MGAM: variants seen among roughly 807,000 people sequenced by gnomAD.
MGAM encodes alpha-1,4-glucosidase.
A neutral mutation model predicts 358.8 loss-of-function variants in MGAM; 253 were observed. The observed-to-expected ratio is 0.71, with a 90% CI of 0.64 to 0.78. The LOEUF is 0.78. Ranked by LOEUF, MGAM falls within the 30% of genes least tolerant of loss-of-function variation. The pLI is 0.00. For missense variants in MGAM, 3,080 were observed against 3,432.6 expected, an observed-to-expected ratio of 0.90 and a Z score of 2.57; for synonymous variants, 1,105 against 1,227.1, an observed-to-expected ratio of 0.90 and a Z score of 2.08.
rs781789063 is a variant in MGAM, at chr7:142,021,690, A to G, written c.663A>G (p.Arg221=). ...TGACCTACCAAGTTGAAATCTCCAG[A>G]CAGCCATTTAGCATCAAAGTGACCA... ...ASLTYQVEIS[R]QPFSIKVTRR... The change falls in exon 6 of 71, where the codon AGA becomes AGG. Residue 221 remains arginine (R), a synonymous_variant. Transcript: ENST00000475668. The G allele has an allele frequency of 1.2e-6, 2 of 1,613,930 alleles. No homozygotes were observed. Among genetic ancestry groups the G allele is most frequent in the South Asian group, 1.1e-5 (1 of 91,084 alleles).
rs1029354196 is a variant in MGAM, at chr7:142,093,574, A to T, written c.7172+24A>T. On this transcript the variant is annotated intron_variant, in intron 60 of 70. Coordinates refer to ENST00000475668, the MANE Select transcript of MGAM (RefSeq NM_001365693.1). ...GAGTGAGTCTCTGTCTCCCTTCTCC[A>T]GCTGTCACAACCTGTAGGGATTGCC... is the stretch of plus-strand genomic sequence containing the variant. 2.0e-6 allele frequency: 3 copies of T among 1,491,914 alleles called. No homozygotes were observed. The African/African-American group carries it at 4.1e-5, about 21-fold the overall frequency. The allele number at this position is 1,491,914 out of a possible 1,614,324, so 92.4% of individuals were successfully genotyped here.
In MGAM at chr7:142,020,937, A is replaced by G. The variant is rs782310390; in HGVS notation, c.449-37A>G. On this transcript the variant is annotated intron_variant, in intron 4 of 70. Transcript: ENST00000475668. ...GTAGCTATTATTTGAGAATTTGCAG[A>G]GTCAACTATGAAAACCTTTTTTTTC... 53 of 1,379,676 alleles carry G rather than the reference A, an allele frequency of 3.8e-5. 2 individuals carry two copies. The Admixed American group carries it at 4.5e-4, about 12-fold the overall frequency. The allele number at this position is 1,379,676 out of a possible 1,614,324, so 85.5% of individuals were successfully genotyped here. A position where few individuals can be genotyped will look rare whatever the true frequency, so the allele number is the denominator to read the frequency against.
Position 142,063,428 on chromosome 7 carries a change from T to C in MGAM, c.4258-71T>C, listed in dbSNP as rs1265526434. ...GGATGTTGAACAATTTATTCACTAC[T>C]TCCTTGGCTCAGAATTGGCAGGACG... is the stretch of plus-strand genomic sequence containing the variant. On this transcript the variant is annotated intron_variant, in intron 35 of 70. Coordinates refer to ENST00000475668, the MANE Select transcript of MGAM (RefSeq NM_001365693.1). 2.1e-5 allele frequency: 33 copies of C among 1,544,846 alleles called. No homozygotes were observed. In the East Asian group the frequency reaches 7.5e-4, roughly 35 times the overall value.
At chr7:142,027,081 T>A in intron 8 of MGAM, 34 bp from the exon 9 acceptor site, 1 of 1,491,660 alleles carries the variant, frequency 6.7e-7, no homozygotes. Context: ...GAATCAATTC[T>A]GATTTTTATT....
At chr7:142,044,134 T>A (rs1304829245) in intron 21 of MGAM, among the ~76,000 whole-genome samples, 3 of 144,458 alleles carry the variant, frequency 2.1e-5, no homozygotes, top group African/African-American at 7.5e-5. Flanking sequence ...ACGTATAATA[T>A]GTACATTATA....
chr7:142,070,847 A>G lies in MGAM; in HGVS notation c.5062-147A>G. On this transcript the variant is annotated intron_variant, in intron 43 of 70. Transcript: ENST00000475668. ...GCGAGGTTTTATGCAGCACTGTGCG[A>G]ATGCAGAATGGGTAATAGCAGGTAT... 1.8e-6 allele frequency: 2 copies of G among 1,125,192 alleles called. 1 individual carries two copies. The highest frequency in any genetic ancestry group is 2.9e-5 in the South Asian group (2 of 67,844). 69.7% of individuals were successfully genotyped at this position (1,125,192 alleles called of 1,614,324 possible).
intron 2 of MGAM, among the ~76,000 whole-genome samples, chr7:141,987,595 G>T (rs1803770748): frequency 6.6e-6 from 1 of 152,038 alleles, no homozygotes; most frequent in South Asian, 2.1e-4. Flanking sequence ...CGAGGCACAG[G>T]GGAGGGGGGC....
intron 3 of MGAM, among the ~76,000 whole-genome samples, chr7:142,018,166 T>C (rs1429609083): frequency 4.6e-5 from 7 of 152,218 alleles, no homozygotes; most frequent in African/African-American, 1.7e-4. Flanking sequence ...CAGTGTCTCT[T>C]GGAAGGCTGC....
chr7:142,066,755 G>A, intron 41 of MGAM, 34 bp downstream of exon 41: 1 of 1,540,134 alleles, frequency 6.5e-7, no homozygotes, highest in African/African-American at 1.3e-5. Context: ...ATGACTAATG[G>A]ATGACTTATT....
rs530614949 is a variant in MGAM at position 142,030,806 on chromosome 7, G to A, written c.1470+49G>A. On this transcript the variant is annotated intron_variant, in intron 12 of 70. Coordinates refer to ENST00000475668, the MANE Select transcript of MGAM (RefSeq NM_001365693.1). ...GCTGGTGGAGGGGCTGCATAGGGGT[G>A]TTTGAATGTGTCTGTGTGTGTGTGT... 17 of 1,143,050 alleles carry A rather than the reference G, an allele frequency of 1.5e-5. No homozygotes were observed. The East Asian group carries it at 4.1e-4, about 28-fold the overall frequency. The allele number at this position is 1,143,050 out of a possible 1,614,324, so 70.8% of individuals were successfully genotyped here.
chr7:142,013,888 G>C (rs1455751524), intron 3 of MGAM, among the ~76,000 whole-genome samples: 1 of 152,100 alleles, frequency 6.6e-6, no homozygotes, highest in African/African-American at 2.4e-5. Flanking sequence ...ACTACTTTCT[G>C]TTTGCTTCTC....
At chr7:141,997,136 G>C (rs1804309059) in intron 1 of MGAM, among the ~76,000 whole-genome samples, 1 of 152,178 alleles carries the variant, frequency 6.6e-6, no homozygotes, top group Non-Finnish European at 1.5e-5. Context: ...GAAAGAGAGA[G>C]AAATTGAGAC....
intron 12 of MGAM, among the ~76,000 whole-genome samples, chr7:142,031,402 A>G (rs1807477207): frequency 6.6e-6 from 1 of 152,204 alleles, no homozygotes; most frequent in African/African-American, 2.4e-5. Context: ...ATTAAGAACA[A>G]AGAAGTGTAG....
rs777133943 is a variant in MGAM at position 142,094,802 on chromosome 7, G to T, written c.7397G>T (p.Arg2466Leu). 5 of 1,613,698 alleles carry T rather than the reference G, an allele frequency of 3.1e-6. No individual in the cohort carries two copies. In the African/African-American group the frequency reaches 5.3e-5, roughly 17 times the overall value. ...FQDAEYEMCV[R>L]WMQLGAFYPF... Reference sequence around the variant, plus strand: ...GATGCTGAATATGAGATGTGTGTTCGCTGGATGCAGCTGGGGGCCTTTTAC... The same window carrying T: ...GATGCTGAATATGAGATGTGTGTTCTCTGGATGCAGCTGGGGGCCTTTTAC... The change falls in exon 63 of 71, where the codon CGC becomes CTC. Residue 2466 changes from arginine to leucine, a missense_variant. By Grantham distance (102) the Arg-to-Leu change is moderately radical (BLOSUM62 -2). Transcript: ENST00000475668.
intron 9 of MGAM, 51 bp from the exon 10 acceptor site, chr7:142,027,555 AATTT>A (rs1203936742): frequency 1.2e-6 from 2 of 1,600,482 alleles, no homozygotes; most frequent in Admixed American, 1.7e-5. Flanking sequence ...TGCTTCGAAA[AATTT>A]TTATTAAAAA....
At chr7:142,040,196 A>G (rs1808378682) in intron 20 of MGAM, 25 bp downstream of exon 20, 1 of 1,564,904 alleles carries the variant, frequency 6.4e-7, no homozygotes, top group South Asian at 1.1e-5. Flanking sequence ...CTTTTCTTCT[A>G]CTCCTTAAGA....
intron 53 of MGAM, among the ~76,000 whole-genome samples, chr7:142,084,232 C>G (rs192265762): frequency 6.8e-6 from 1 of 146,040 alleles, no homozygotes; most frequent in African/African-American, 2.4e-5. Context: ...GAGCCTGTAT[C>G]TAAGCCAGGC....
chr7:142,016,205 G>A (rs1236671168), intron 3 of MGAM, among the ~76,000 whole-genome samples: 1 of 152,158 alleles, frequency 6.6e-6, no homozygotes, highest in Non-Finnish European at 1.5e-5. Context: ...GAGGATTGGG[G>A]TAGAGCAGAG....
intron 13 of MGAM, among the ~76,000 whole-genome samples, chr7:142,032,366 C>T (rs1223659712): frequency 6.6e-6 from 1 of 151,916 alleles, no homozygotes; most frequent in African/African-American, 2.4e-5. Context: ...AAGATAAAAG[C>T]AAAAATCCTC....
Sources: gnomAD v4.1 joint callset for allele counts (sites outside exome capture counted in the v4.1 genomes callset) on GRCh38, gnomAD v4.1.1 for gene constraint, MANE v1.5 for transcripts, NCBI Gene and HGNC (gene_info 2026-07-23, HGNC 2026-07-21) for gene names.